Variants in SKIL observed in about 807,000 individuals in gnomAD.
The protein encoded by SKIL is ski-like protein.
In SKIL, 20 loss-of-function variants were observed where a neutral mutation model predicts 69.6. The observed-to-expected ratio is 0.29, with a 90% confidence interval of 0.20 to 0.42. SKIL has a LOEUF of 0.42. SKIL is among the 10% of genes least tolerant of loss of function. SKIL has a pLI of 1.00. For synonymous variants in SKIL, 310 were observed against 279.9 expected, an observed-to-expected ratio of 1.11 and a Z score of -1.08; for missense variants, 745 against 783.1, an observed-to-expected ratio of 0.95 and a Z score of 0.58.
chr3:170,393,821 T>C lies in SKIL; in HGVS notation c.*1404T>C, dbSNP rs1430107551. 5.9e-5 allele frequency: 9 copies of C among 152,106 alleles called. No individual in the cohort carries two copies. 9.4% of individuals were successfully genotyped at this position (152,106 alleles called of 1,614,324 possible). ...GAGCTATATTTATTTTAAAATAAAT[T>C]AGCTAGGGTTAAGGTTATATTCTAT... On this transcript the variant is annotated 3_prime_UTR_variant, in exon 7 of 7. Coordinates refer to ENST00000259119, the MANE Select transcript of SKIL (RefSeq NM_005414.5).
At chr3:170,379,917 T>TA (rs1440811167) in intron 2 of SKIL, among the ~76,000 whole-genome samples, 1 of 152,212 alleles carries the variant, frequency 6.6e-6, no homozygotes, top group Admixed American at 6.5e-5. Context: ...GTGCTGGAAT[T>TA]ACAGGTGTGA....
Position 170,365,868 on chromosome 3 carries a change from G to T in SKIL, c.1098+4439G>T, listed in dbSNP as rs369183542. 7.0e-4 allele frequency among the ~76,000 whole-genome samples: 104 copies of T among 148,822 alleles called. 1 individual carries two copies. Among genetic ancestry groups the T allele is most frequent in the African/African-American group, 2.5e-3 (100 of 40,072 alleles). On this transcript the variant is annotated intron_variant, in intron 2 of 6. Transcript: ENST00000259119. The stretch of plus-strand genomic sequence containing the variant: ...CCTCCTGGATTCAAGCGATTCTCCT[G>T]CCTCAGCCTCCCAAGTAGCTGCAAT...
At chr3:170,373,511 C>T (rs193054634) in intron 2 of SKIL, among the ~76,000 whole-genome samples, 2 of 152,212 alleles carry the variant, frequency 1.3e-5, no homozygotes, top group East Asian at 3.9e-4. Context: ...AGGCTTAATT[C>T]TGATTTTTGT....
At chr3:170,366,292 TGTA>T (rs899390295) in intron 2 of SKIL, among the ~76,000 whole-genome samples, 114 of 152,236 alleles carry the variant, frequency 7.5e-4, no homozygotes, top group Middle Eastern at 3.4e-3. Context: ...GTTAATAAGT[TGTA>T]GTATCTTGTA....
chr3:170,366,712 CACAT>C (rs752317128), intron 2 of SKIL, among the ~76,000 whole-genome samples: 4 of 151,184 alleles, frequency 2.6e-5, no homozygotes, highest in Admixed American at 6.6e-5. Flanking sequence ...CACACACACA[CACAT>C]ACTTGATTTT....
intron 5 of SKIL, 24 bp from the exon 6 acceptor site, chr3:170,391,012 G>C: frequency 8.0e-7 from 1 of 1,246,114 alleles, no homozygotes; most frequent in Non-Finnish European, 1.2e-6. Context: ...AGTAAAACTT[G>C]TATTGTGATT....
Position 170,360,115 on chromosome 3 carries a change from C to G in SKIL, c.-217C>G, listed in dbSNP as rs1375120988. ...CTTTTCTTTATTATTAGAGGCAAAA[C>G]GAACAATTTTATAGGATTTGTAGTG... On this transcript the variant is annotated 5_prime_UTR_variant, in exon 2 of 7. Coordinates refer to ENST00000259119, the MANE Select transcript of SKIL (RefSeq NM_005414.5). 6.8e-6 allele frequency: 3 copies of G among 441,666 alleles called. No homozygotes were observed. Among genetic ancestry groups the G allele is most frequent in the Non-Finnish European group, 8.0e-6 (2 of 251,058 alleles). The allele number at this position is 441,666 out of a possible 1,614,324, so 27.4% of individuals were successfully genotyped here. A position where few individuals can be genotyped will look rare whatever the true frequency, so the allele number is the denominator to read the frequency against.
At chr3:170,366,678 C>T (rs1464833277) in intron 2 of SKIL, among the ~76,000 whole-genome samples, 1 of 81,160 alleles carries the variant, frequency 1.2e-5, no homozygotes, top group Non-Finnish European at 2.5e-5. Context: ...TCAAAACACA[C>T]ACACACACAC....
chr3:170,395,617 G>A lies in SKIL; in HGVS notation c.*3200G>A, dbSNP rs1301405907. The stretch of plus-strand genomic sequence containing the variant: ...ACTCAAATACTATAAGATGTGTCAA[G>A]GTATTTCTCCAGAATTAATTGCAAA... On this transcript the variant is annotated 3_prime_UTR_variant, in exon 7 of 7. Transcript: ENST00000259119. 6.6e-6 allele frequency: 1 copy of A among 151,956 alleles called. No individual in the cohort carries two copies. 9.4% of individuals were successfully genotyped at this position (151,956 alleles called of 1,614,324 possible).
chr3:170,384,450 C>T lies in SKIL; in HGVS notation c.1197-83C>T, dbSNP rs1737515864. 1.6e-5 allele frequency: 10 copies of T among 617,642 alleles called. No homozygotes were observed. In the East Asian group the frequency reaches 2.3e-4, roughly 14 times the overall value. The allele number at this position is 617,642 out of a possible 1,614,324, so 38.3% of individuals were successfully genotyped here. ...TTGGTTAGAAAAAAAAAAGTTTAACCACAGAAATGCATGTTACATATTTGA... is the reference window on the plus strand; with the variant it reads ...TTGGTTAGAAAAAAAAAAGTTTAACTACAGAAATGCATGTTACATATTTGA... On this transcript the variant is annotated intron_variant, in intron 3 of 6. Transcript: ENST00000259119.
In SKIL at chr3:170,392,533, C is replaced by A; in HGVS notation, c.*116C>A. On this transcript the variant is annotated 3_prime_UTR_variant, in exon 7 of 7. Transcript: ENST00000259119. Reference sequence around the variant, plus strand: ...GCATGACGATAACTAGGCATTCTATCCATTTGTAGATCAGAGAAAGTGAAG... The same window carrying A: ...GCATGACGATAACTAGGCATTCTATACATTTGTAGATCAGAGAAAGTGAAG... 1.8e-6 allele frequency: 1 copy of A among 565,008 alleles called. No individual in the cohort carries two copies. Among genetic ancestry groups the A allele is most frequent in the Non-Finnish European group, 3.1e-6 (1 of 324,456 alleles). 35.0% of individuals were successfully genotyped at this position (565,008 alleles called of 1,614,324 possible).
Position 170,360,211 on chromosome 3 carries a change from T to C in SKIL, c.-121T>C. 2.0e-6 allele frequency: 2 copies of C among 1,001,320 alleles called. No homozygotes were observed. Among genetic ancestry groups the C allele is most frequent in the Non-Finnish European group, 2.9e-6 (2 of 691,478 alleles). 62.0% of individuals were successfully genotyped at this position (1,001,320 alleles called of 1,614,324 possible). A position where few individuals can be genotyped will look rare whatever the true frequency, so the allele number is the denominator to read the frequency against. On this transcript the variant is annotated 5_prime_UTR_variant, in exon 2 of 7. Transcript: ENST00000259119. Reference sequence around the variant, plus strand: ...TTATTAATTTAAGGGGCTCTCGCTTTGAAAGTTTGAGAGTAAGTTACGATA... The same window carrying C: ...TTATTAATTTAAGGGGCTCTCGCTTCGAAAGTTTGAGAGTAAGTTACGATA...
chr3:170,373,394 G>A (rs1736881049), intron 2 of SKIL, among the ~76,000 whole-genome samples: 1 of 136,784 alleles, frequency 7.3e-6, no homozygotes, highest in South Asian at 2.4e-4. Flanking sequence ...GGCCGGGCTG[G>A]TCTTGAACTC....
chr3:170,392,180 AATAG>A (rs1448222807), intron 6 of SKIL, 75 bp from the exon 7 acceptor site: 29 of 1,171,948 alleles, frequency 2.5e-5, no homozygotes, highest in Non-Finnish European at 3.3e-5. Flanking sequence ...GTAATTTGAA[AATAG>A]ATATTTTCTA....
chr3:170,365,884 T>A (rs1430098876), intron 2 of SKIL, among the ~76,000 whole-genome samples: 1 of 151,502 alleles, frequency 6.6e-6, no homozygotes, highest in African/African-American at 2.4e-5. Context: ...GCCTCCCAAG[T>A]AGCTGCAATT....
chr3:170,366,378 A>G (rs1193686244), intron 2 of SKIL, among the ~76,000 whole-genome samples: 4 of 152,032 alleles, frequency 2.6e-5, no homozygotes, highest in Non-Finnish European at 5.9e-5. Flanking sequence ...AAGTCGCCAT[A>G]AGAAATATAC....
intron 2 of SKIL, among the ~76,000 whole-genome samples, chr3:170,378,574 C>G (rs1330577318): frequency 3.0e-3 from 51 of 16,762 alleles, no homozygotes; most frequent in African/African-American, 5.7e-3. Flanking sequence ...TTTTTGGAGA[C>G]AAAGTCTTGC....
intron 2 of SKIL, among the ~76,000 whole-genome samples, chr3:170,364,852 T>A (rs758757545): frequency 6.6e-5 from 10 of 152,220 alleles, no homozygotes; most frequent in Admixed American, 5.9e-4. Context: ...TTCACTGATT[T>A]GAATACATTT....
intron 2 of SKIL, among the ~76,000 whole-genome samples, chr3:170,380,272 G>A (rs1277852686): frequency 6.6e-6 from 1 of 152,172 alleles, no homozygotes; most frequent in Non-Finnish European, 1.5e-5. Flanking sequence ...TAGGGATAGG[G>A]TATAGTCTAG....
Sources: allele counts gnomAD v4.1 joint callset (sites outside exome capture counted in the v4.1 genomes callset), GRCh38; gene constraint gnomAD v4.1.1; transcripts MANE v1.5; gene names NCBI Gene and HGNC (gene_info 2026-07-23, HGNC 2026-07-21).